The following CSMD1 variants were observed in gnomAD, a reference collection of about 807,000 sequenced individuals.
The protein encoded by CSMD1 is CUB and sushi domain-containing protein 1.
In CSMD1, 213 loss-of-function variants were observed where a neutral mutation model predicts 417.5. The ratio of observed to expected loss-of-function variants is 0.51; its 90% CI spans 0.46 to 0.57. The LOEUF is 0.57. Among genes scored for constraint, CSMD1 ranks in the 20% least tolerant of loss-of-function variants. The pLI, the probability that CSMD1 is intolerant of heterozygous loss-of-function variation, is 0.00. For missense variants in CSMD1, 6,923 were observed against 4,529.7 expected (o/e 1.53, Z -15.17); for synonymous variants, 2,862 against 1,736.8 (o/e 1.65, Z -16.11).
At chr8:4,042,878 A>T (rs1273745776) in intron 3 of CSMD1, among the ~76,000 whole-genome samples, 1 of 145,498 alleles carries the variant, frequency 6.9e-6, no homozygotes, top group East Asian at 2.0e-4. Context: ...CTATAATCCC[A>T]GTACTTTGGG....
chr8:4,533,487 G>C (rs565213206), intron 2 of CSMD1, among the ~76,000 whole-genome samples: 10 of 152,240 alleles, frequency 6.6e-5, no homozygotes, highest in African/African-American at 2.4e-4. Flanking sequence ...TATGCTCTTG[G>C]AGTTTATCAA....
rs1310870581 is a variant in CSMD1, at chr8:3,308,336, C to T, written c.3799G>A (p.Asp1267Asn). 4 of 1,612,502 alleles carry T rather than the reference C, an allele frequency of 2.5e-6. No individual in the cohort carries two copies. The highest frequency in any genetic ancestry group is 2.5e-6 in the Non-Finnish European group (3 of 1,179,072). Residue 1267 changes from aspartate (D) to asparagine (N), a missense_variant, in exon 24 of 70, where the codon GAC becomes AAC. Physicochemically the swap from Asp to Asn is conservative, Grantham distance 23. Coordinates refer to ENST00000635120, the MANE Select transcript of CSMD1 (RefSeq NM_033225.6). ...TCLSGDRRVW[D>N]KPLPSCIAEC... The stretch of plus-strand genomic sequence containing the variant: ...CCTATGCACGAAGGTAGTGGTTTGT[C>T]CCACACTCTCCTGTCTCCACTCAAA...
At chr8:4,231,323 C>T (rs1229921952) in intron 3 of CSMD1, among the ~76,000 whole-genome samples, 2 of 152,166 alleles carry the variant, frequency 1.3e-5, no homozygotes, top group African/African-American at 4.8e-5. Flanking sequence ...TGGGTCCAAC[C>T]TCACATATGA....
intron 5 of CSMD1, among the ~76,000 whole-genome samples, chr8:3,870,990 C>T (rs886940729): frequency 7.8e-6 from 1 of 128,866 alleles, no homozygotes; most frequent in African/African-American, 2.6e-5. Flanking sequence ...AATTTTTTCT[C>T]ATTCAATGTG....
At chr8:4,404,912 G>C (rs111950642) in intron 3 of CSMD1, among the ~76,000 whole-genome samples, 20 of 152,140 alleles carry the variant, frequency 1.3e-4, no homozygotes, top group African/African-American at 4.8e-4. Flanking sequence ...TTTCCAAAAA[G>C]CCTATGATGT....
At chr8:4,456,640 T>C (rs956552222) in intron 2 of CSMD1, among the ~76,000 whole-genome samples, 6 of 152,200 alleles carry the variant, frequency 3.9e-5, no homozygotes, top group Admixed American at 2.6e-4. Flanking sequence ...TAATCATCAG[T>C]ATGGCAGAGA....
chr8:3,012,558 C>G (rs550283637), intron 52 of CSMD1, among the ~76,000 whole-genome samples: 3 of 152,238 alleles, frequency 2.0e-5, no homozygotes, highest in African/African-American at 7.2e-5. Flanking sequence ...ATATCTCAGC[C>G]ACAATTCAGG....
At chr8:4,122,231 G>T (rs1027781217) in intron 3 of CSMD1, among the ~76,000 whole-genome samples, 1 of 152,098 alleles carries the variant, frequency 6.6e-6, no homozygotes, top group African/African-American at 2.4e-5. Flanking sequence ...CTTTTGTGAG[G>T]GAAGTGCAGT....
At chr8:4,459,584 A>T (rs1799685884) in intron 2 of CSMD1, among the ~76,000 whole-genome samples, 1 of 152,208 alleles carries the variant, frequency 6.6e-6, no homozygotes, top group African/African-American at 2.4e-5. Context: ...TGGAATGGCT[A>T]GTCTAAGATA....
chr8:3,915,660 A>C (rs1808767924), intron 5 of CSMD1, among the ~76,000 whole-genome samples: 1 of 151,548 alleles, frequency 6.6e-6, no homozygotes, highest in Non-Finnish European at 1.5e-5. Context: ...TGTGTACTTC[A>C]TAACTGATAT....
intron 3 of CSMD1, among the ~76,000 whole-genome samples, chr8:4,125,777 G>C (rs1024015118): frequency 7.2e-5 from 11 of 152,092 alleles, no homozygotes; most frequent in African/African-American, 2.2e-4. Context: ...TCAACTGATA[G>C]AGCCCTTATC....
intron 7 of CSMD1, among the ~76,000 whole-genome samples, chr8:3,705,374 A>C (rs1387177430): frequency 1.3e-5 from 2 of 152,156 alleles, no homozygotes; most frequent in Non-Finnish European, 2.9e-5. Flanking sequence ...GGTGCTTCCC[A>C]CGGGCAGAAT....
At chr8:3,778,253 T>G (rs1337155134) in intron 5 of CSMD1, among the ~76,000 whole-genome samples, 1 of 152,214 alleles carries the variant, frequency 6.6e-6, no homozygotes, top group African/African-American at 2.4e-5. Flanking sequence ...CTCTGACATT[T>G]GCTATCACAT....
intron 17 of CSMD1, among the ~76,000 whole-genome samples, chr8:3,391,543 T>C (rs767013990): frequency 6.6e-6 from 1 of 152,214 alleles, no homozygotes; most frequent in Non-Finnish European, 1.5e-5. Context: ...TCGTAAAGAA[T>C]GGCTAGACTG....
intron 2 of CSMD1, among the ~76,000 whole-genome samples, chr8:4,618,302 C>CT (rs1801590559): frequency 1.1e-5 from 1 of 93,526 alleles, no homozygotes; most frequent in African/African-American, 4.8e-5. Flanking sequence ...AGCCATGTCC[C>CT]TCATAAGCAG....
chr8:3,050,078 C>G (rs180852486), intron 50 of CSMD1, among the ~76,000 whole-genome samples: 1 of 148,998 alleles, frequency 6.7e-6, no homozygotes, highest in South Asian at 2.2e-4. Context: ...ATATACTTGA[C>G]ATTTTATGCA....
intron 10 of CSMD1, among the ~76,000 whole-genome samples, chr8:3,566,046 C>T (rs531665414): frequency 4.6e-5 from 7 of 152,100 alleles, no homozygotes; most frequent in South Asian, 2.1e-4. Context: ...GCCTGTCATA[C>T]GGGACCCTGT....
intron 2 of CSMD1, among the ~76,000 whole-genome samples, chr8:4,437,797 C>A (rs191251448): frequency 1.3e-4 from 20 of 152,262 alleles, no homozygotes; most frequent in African/African-American, 4.8e-4. Context: ...ATGGGAACTT[C>A]ATAGGCCGTG....
intron 9 of CSMD1, among the ~76,000 whole-genome samples, chr8:3,584,156 G>A (rs1336083313): frequency 6.6e-6 from 1 of 151,956 alleles, no homozygotes; most frequent in Non-Finnish European, 1.5e-5. Context: ...GAACTAATAA[G>A]AACTGAAGTA....
Sources: gnomAD v4.1 joint callset for allele counts (sites outside exome capture counted in the v4.1 genomes callset) on GRCh38, gnomAD v4.1.1 for gene constraint, MANE v1.5 for transcripts, NCBI Gene and HGNC (gene_info 2026-07-23, HGNC 2026-07-21) for gene names.